Variants in MYMX observed in about 807,000 individuals in gnomAD.
MYMX encodes the protein protein myomixer.
the MYMX span, among the ~76,000 whole-genome samples, chr6:44,198,887 A>AC: frequency 3.9e-4 from 60 of 152,276 alleles, no homozygotes; most frequent in African/African-American, 1.4e-3. Context: ...TACTGGGATT[A>AC]CAGGCGTGAG....
the MYMX span, among the ~76,000 whole-genome samples, chr6:44,200,946 C>T: frequency 6.6e-6 from 1 of 152,330 alleles, no homozygotes; most frequent in African/African-American, 2.4e-5. Context: ...CCTCCTCCTC[C>T]CTGGCTAGAA....
upstream of MYMX, among the ~76,000 whole-genome samples, chr6:44,215,368 T>C (rs564613326): frequency 5.2e-4 from 79 of 151,518 alleles, no homozygotes; most frequent in African/African-American, 1.8e-3. Context: ...AGCCCAGGAG[T>C]TAGAGACCAG....
the MYMX span, among the ~76,000 whole-genome samples, chr6:44,196,696 T>C: frequency 2.0e-5 from 3 of 151,262 alleles, no homozygotes; most frequent in Non-Finnish European, 2.9e-5. Context: ...CAGTGGTTCA[T>C]GCCTGTAATC....
At chr6:44,213,238 T>C (rs944680509), upstream of MYMX, among the ~76,000 whole-genome samples, 2 of 150,424 alleles carry the variant, frequency 1.3e-5, no homozygotes, top group Admixed American at 1.3e-4. Context: ...ATACAAAAAT[T>C]AGCTGGGCGT....
chr6:44,198,006 T>C, the MYMX span, among the ~76,000 whole-genome samples: 2 of 152,274 alleles, frequency 1.3e-5, no homozygotes, highest in South Asian at 4.1e-4. Context: ...GTATCTTTTG[T>C]AGTATCAAAA....
upstream of MYMX, among the ~76,000 whole-genome samples, chr6:44,214,649 G>C (rs1011529670): frequency 6.6e-6 from 1 of 151,966 alleles, no homozygotes; most frequent in African/African-American, 2.4e-5. Flanking sequence ...CTCGGCTCAC[G>C]GCCACCTCTG....
At chr6:44,196,141 C>T in the MYMX span, among the ~76,000 whole-genome samples, 4 of 152,134 alleles carry the variant, frequency 2.6e-5, no homozygotes, top group Non-Finnish European at 4.4e-5. Context: ...CAGGGTTTCA[C>T]TATGTTGGCC....
At chr6:44,201,493 C>A in the MYMX span, among the ~76,000 whole-genome samples, 1 of 152,196 alleles carries the variant, frequency 6.6e-6, no homozygotes. Context: ...GGAAGGGCCC[C>A]ACACCAATGC....
the MYMX span, among the ~76,000 whole-genome samples, chr6:44,203,032 G>A: frequency 6.6e-6 from 1 of 152,244 alleles, no homozygotes; most frequent in African/African-American, 2.4e-5. Context: ...GGAGGAGTGG[G>A]ATGTGACTTA....
At chr6:44,212,248 T>C (rs1166333550), upstream of MYMX, among the ~76,000 whole-genome samples, 1 of 151,256 alleles carries the variant, frequency 6.6e-6, no homozygotes, top group African/African-American at 2.4e-5. Context: ...CTACTAAAAA[T>C]ACAAAAATTA....
chr6:44,199,550 T>TC, the MYMX span, among the ~76,000 whole-genome samples: 1 of 152,186 alleles, frequency 6.6e-6, no homozygotes, highest in African/African-American at 2.4e-5. Flanking sequence ...GGTCTTTTTT[T>TC]CCCATATAAA....
At chr6:44,200,996 C>A in the MYMX span, among the ~76,000 whole-genome samples, 5 of 152,172 alleles carry the variant, frequency 3.3e-5, no homozygotes, top group African/African-American at 1.2e-4. Context: ...TCTGTCTGTG[C>A]TAGCTACTCT....
chr6:44,213,400 A>G (rs995098403), upstream of MYMX, among the ~76,000 whole-genome samples: 1 of 150,186 alleles, frequency 6.7e-6, no homozygotes, highest in South Asian at 2.1e-4. Context: ...AAAATAAAAT[A>G]AAAGAGATTG....
chr6:44,212,503 C>A (rs536939841), upstream of MYMX, among the ~76,000 whole-genome samples: 1 of 151,428 alleles, frequency 6.6e-6, no homozygotes, highest in East Asian at 1.9e-4. Context: ...ATATATAAGC[C>A]GATTATTCTG....
intron 1 of MYMX, 144 bp from the exon 2 acceptor site, chr6:44,217,306 A>T: frequency 2.5e-6 from 1 of 397,414 alleles, no homozygotes; most frequent in Non-Finnish European, 4.4e-6. Context: ...AAAGGGCTTC[A>T]TGAAAGCAAA....
chr6:44,210,234 C>T, the MYMX span, among the ~76,000 whole-genome samples: 3 of 151,500 alleles, frequency 2.0e-5, no homozygotes, highest in Non-Finnish European at 4.4e-5. Context: ...CGTGAGCCAC[C>T]GGGCCCGGCC....
In MYMX at chr6:44,218,218, A is replaced by G. The variant is rs1038113961; in HGVS notation, c.*492A>G. 10 of 153,220 alleles carry G rather than the reference A, an allele frequency of 6.5e-5. No homozygotes were observed. Among genetic ancestry groups the G allele is most frequent in the African/African-American group, 2.4e-4 (10 of 41,424 alleles). The allele number at this position is 153,220 out of a possible 1,614,324, so 9.5% of individuals were successfully genotyped here. A position where few individuals can be genotyped will look rare whatever the true frequency, so the allele number is the denominator to read the frequency against. Reference sequence around the variant, plus strand: ...AGCACTCAGCAAGTGCTCAATAAATATTTGATTTGAATTCTTTCCATGGCT... The same window carrying G: ...AGCACTCAGCAAGTGCTCAATAAATGTTTGATTTGAATTCTTTCCATGGCT... On this transcript the variant is annotated 3_prime_UTR_variant, in exon 2 of 2. Transcript: ENST00000573382.
At chr6:44,210,299 G>A in the MYMX span, among the ~76,000 whole-genome samples, 7 of 128,072 alleles carry the variant, frequency 5.5e-5, no homozygotes, top group South Asian at 2.5e-4. Flanking sequence ...TTTTGTTTTC[G>A]TCATTTTGGA....
chr6:44,204,052 G>A, the MYMX span, among the ~76,000 whole-genome samples: 4 of 152,024 alleles, frequency 2.6e-5, no homozygotes, highest in Non-Finnish European at 5.9e-5. Flanking sequence ...TTTCCATGTT[G>A]GCCCAGCTGG....
Sources: allele counts gnomAD v4.1 joint callset (sites outside exome capture counted in the v4.1 genomes callset), GRCh38; gene constraint gnomAD v4.1.1; transcripts MANE v1.5; gene names NCBI Gene and HGNC (gene_info 2026-07-23, HGNC 2026-07-21).